The following KNDC1 variants were observed in gnomAD, a reference collection of about 807,000 sequenced individuals.
KNDC1 encodes the protein kinase non-catalytic C-lobe domain-containing protein 1.
In KNDC1, 106 loss-of-function variants were observed where a neutral mutation model predicts 172.8. The ratio of observed to expected loss-of-function variants is 0.61; its 90% CI spans 0.52 to 0.72. The LOEUF (loss-of-function observed/expected upper bound fraction) is 0.72. Ranked by LOEUF, KNDC1 falls within the 30% of genes least tolerant of loss-of-function variation. KNDC1 has a pLI of 0.00. For synonymous variants in KNDC1, 1,083 were observed against 1,062.2 expected (o/e 1.02, Z -0.38); for missense variants, 2,325 against 2,394.5 (o/e 0.97, Z 0.61).
intron 5 of KNDC1, among the ~76,000 whole-genome samples, chr10:133,184,652 A>T (rs573105441): frequency 9.2e-5 from 14 of 152,152 alleles, no homozygotes; most frequent in Non-Finnish European, 1.8e-4. Flanking sequence ...ACACGCAAAC[A>T]TGCTGGTCCT....
rs182290222 is a variant in KNDC1, at chr10:133,180,538, T to C, written c.361-2806T>C. On this transcript the variant is annotated intron_variant, in intron 3 of 29. Coordinates refer to ENST00000304613, the MANE Select transcript of KNDC1 (RefSeq NM_152643.8). ...ATTAGGTCTGGATATCTTAAAATTA[T>C]AAAAATATTAGCAGAAACAAAGGAA... Among the ~76,000 whole-genome samples the C allele has an allele frequency of 9.8e-4, 150 of 152,376 alleles. 1 individual carries two copies. Among genetic ancestry groups the C allele is most frequent in the South Asian group, 7.5e-3 (36 of 4,828 alleles).
chr10:133,211,728 T>TGGG lies in KNDC1; in HGVS notation c.4107_4109dup (p.Gly1370dup). The stretch of plus-strand genomic sequence containing the variant: ...AAGCACCTGCTGGGCCTCCTGGAGG[T>TGGG]GGGCATGGACCGGCGGGCCGAGGGC... On this transcript the variant is annotated inframe_insertion, in exon 23 of 30. Coordinates refer to ENST00000304613, the MANE Select transcript of KNDC1 (RefSeq NM_152643.8). 1 of 1,608,334 alleles carries TGGG rather than the reference T, an allele frequency of 6.2e-7. No individual in the cohort carries two copies. The highest frequency in any genetic ancestry group is 8.5e-7 in the Non-Finnish European group (1 of 1,177,642).
At position 133,186,673 on chromosome 10, in the gene KNDC1, A is replaced by C; in HGVS notation, c.1325A>C (p.Gln442Pro). The C allele has an allele frequency of 6.4e-7, 1 of 1,574,748 alleles. No individual in the cohort carries two copies. Among genetic ancestry groups the C allele is most frequent in the South Asian group, 1.1e-5 (1 of 86,968 alleles). The change falls in exon 6 of 30, where the codon CAG (glutamine) becomes CCG (proline). Residue 442 changes from glutamine to proline, a missense_variant and splice_region_variant. Gln to Pro is a moderately conservative substitution (Grantham distance 76, BLOSUM62 -1). Coordinates refer to ENST00000304613, the MANE Select transcript of KNDC1 (RefSeq NM_152643.8). The part of the protein sequence containing the change: ...ARQLESAAAE[Q>P]WVSLQDLLSQ... ...CAGCTGGAAAGTGCAGCCGCGGAGC[A>C]GGTGGGTGCCTGGGTCTTGTGTGTG...
intron 3 of KNDC1, among the ~76,000 whole-genome samples, chr10:133,174,595 AGTGGATGGCCAG>A (rs1328679324): frequency 1.3e-5 from 2 of 152,064 alleles, no homozygotes; most frequent in Non-Finnish European, 2.9e-5. Context: ...GGGATGGATG[AGTGGATGGCCAG>A]GTGGATGGAT....
chr10:133,164,894 T>A (rs1382254745), intron 1 of KNDC1, among the ~76,000 whole-genome samples: 2 of 152,172 alleles, frequency 1.3e-5, no homozygotes, highest in Non-Finnish European at 2.9e-5. Context: ...TCTCGTCCTG[T>A]CCTGGCCTCT....
At chr10:133,205,196 GA>G in intron 17 of KNDC1, among the ~76,000 whole-genome samples, 1 of 152,302 alleles carries the variant, frequency 6.6e-6, no homozygotes, top group South Asian at 2.1e-4. Flanking sequence ...TGTCCCGTAG[GA>G]CAGAAGGAGT....
At chr10:133,181,716 A>G (rs1853720793) in intron 3 of KNDC1, among the ~76,000 whole-genome samples, 1 of 152,166 alleles carries the variant, frequency 6.6e-6, no homozygotes, top group African/African-American at 2.4e-5. Flanking sequence ...GCCAGGATGC[A>G]GGCAGAGTGC....
Position 133,199,555 on chromosome 10 carries a change from G to A in KNDC1, c.2856G>A (p.Leu952=). 1 of 1,613,850 alleles carries A rather than the reference G, an allele frequency of 6.2e-7. No individual in the cohort carries two copies. Among genetic ancestry groups the A allele is most frequent in the East Asian group, 2.2e-5 (1 of 44,870 alleles). ...FCDLYWDEKL[L]QNLFKVVNGQ... is the part of the protein sequence containing the mutation. ...ACCTGTACTGGGATGAGAAGTTGCTGCAGAACCTCTTTAAGGTGGTCAACG... is the reference window on the plus strand; with the variant it reads ...ACCTGTACTGGGATGAGAAGTTGCTACAGAACCTCTTTAAGGTGGTCAACG... The change falls in exon 15 of 30, where the codon CTG becomes CTA. Residue 952 remains leucine (L), a synonymous_variant. Transcript: ENST00000304613.
chr10:133,210,556 G>T (rs549793255), intron 20 of KNDC1, 55 bp from the exon 21 acceptor site: 2 of 1,046,062 alleles, frequency 1.9e-6, no homozygotes, highest in Non-Finnish European at 3.0e-6. Flanking sequence ...AACACTAGCC[G>T]AGCCCTGGGG....
chr10:133,162,377 G>A (rs892594422), intron 1 of KNDC1, among the ~76,000 whole-genome samples: 9 of 152,282 alleles, frequency 5.9e-5, no homozygotes, highest in Admixed American at 3.9e-4. Context: ...CCAGAATGCC[G>A]GAAGGCCAAG....
Position 133,214,023 on chromosome 10 carries a change from C to G in KNDC1, c.4578C>G (p.Pro1526=). Residue 1526 remains proline, a synonymous_variant, in exon 26 of 30, where the codon CCC becomes CCG. Coordinates refer to ENST00000304613, the MANE Select transcript of KNDC1 (RefSeq NM_152643.8). ...CCAAAACCTGCAGCTTATTTCTGCC[C>G]AATTACGTTCAGGACAAGTATCTGT... ...LSAKTCSLFL[P]NYVQDKYLLQ... is the part of the protein sequence containing the mutation. 1.2e-6 allele frequency: 2 copies of G among 1,614,164 alleles called. No homozygotes were observed. The highest frequency in any genetic ancestry group is 1.7e-6 in the Non-Finnish European group (2 of 1,179,986).
chr10:133,185,355 AG>A (rs1853862895), intron 5 of KNDC1, among the ~76,000 whole-genome samples: 1 of 103,406 alleles, frequency 9.7e-6, no homozygotes, highest in Non-Finnish European at 2.2e-5. Context: ...AGTGTGGAGT[AG>A]GCAGTGTGTA....
chr10:133,198,682 G>A lies in KNDC1; in HGVS notation c.2174G>A (p.Ser725Asn), dbSNP rs1275495395. The change falls in exon 14 of 30, where the codon AGC becomes AAC. Residue 725 changes from serine to asparagine, a missense_variant. Physicochemically the swap from Ser to Asn is conservative, Grantham distance 46. Transcript: ENST00000304613. ...LSLEAHAGSP[S>N]LKTPDGPVPG... ...CTGGAGGCCCACGCTGGGTCCCCCAGCCTGAAGACGCCTGACGGGCCGGTG... is the reference window on the plus strand; with the variant it reads ...CTGGAGGCCCACGCTGGGTCCCCCAACCTGAAGACGCCTGACGGGCCGGTG... 1 of 1,583,900 alleles carries A rather than the reference G, an allele frequency of 6.3e-7. No individual in the cohort carries two copies. Among genetic ancestry groups the A allele is most frequent in the Non-Finnish European group, 8.6e-7 (1 of 1,166,026 alleles).
chr10:133,185,855 A>T (rs1429922218), intron 5 of KNDC1, 119 bp from the exon 6 acceptor site: 4,310 of 224,630 alleles, frequency 0.019, 129 homozygotes, highest in South Asian at 0.034. Context: ...AGGGGAGGGG[A>T]GAGGTGGGAG....
At chr10:133,203,307 C>T (rs975284990) in intron 17 of KNDC1, among the ~76,000 whole-genome samples, 1 of 152,096 alleles carries the variant, frequency 6.6e-6, no homozygotes, top group Non-Finnish European at 1.5e-5. Context: ...GGGGAGCACT[C>T]GGCCCCCAAA....
chr10:133,190,774 TG>T (rs1470819795), intron 9 of KNDC1, among the ~76,000 whole-genome samples: 1 of 152,196 alleles, frequency 6.6e-6, no homozygotes, highest in African/African-American at 2.4e-5. Context: ...CCAAGAAGGC[TG>T]GGAAAGCACT....
chr10:133,165,387 C>T (rs537531885), intron 1 of KNDC1, among the ~76,000 whole-genome samples: 6 of 152,304 alleles, frequency 3.9e-5, no homozygotes, highest in South Asian at 2.1e-4. Context: ...CCTGGGCTCC[C>T]TTCCCGGGTC....
intron 21 of KNDC1, among the ~76,000 whole-genome samples, chr10:133,211,160 G>A (rs1357504688): frequency 6.6e-6 from 1 of 152,018 alleles, no homozygotes; most frequent in African/African-American, 2.4e-5. Flanking sequence ...GAGGGGCTCT[G>A]CCTCTCTCTG....
At position 133,200,473 on chromosome 10, in the gene KNDC1, C is replaced by T. The variant is rs368990149; in HGVS notation, c.2989+13C>T. The T allele has an allele frequency of 5.2e-5, 79 of 1,517,838 alleles. No homozygotes were observed. Among genetic ancestry groups the T allele is most frequent in the Non-Finnish European group, 5.9e-5 (67 of 1,134,348 alleles). The allele number at this position is 1,517,838 out of a possible 1,614,324, so 94.0% of individuals were successfully genotyped here. ...CTGCACCGCCTGGGTAAGTGCTGGG[C>T]GGGCCCCGCGGCAGGAGCTCTGCTG... On this transcript the variant is annotated intron_variant, in intron 16 of 29. Coordinates refer to ENST00000304613, the MANE Select transcript of KNDC1 (RefSeq NM_152643.8).
Sources: allele counts gnomAD v4.1 joint callset (sites outside exome capture counted in the v4.1 genomes callset), GRCh38; gene constraint gnomAD v4.1.1; transcripts MANE v1.5; gene names NCBI Gene and HGNC (gene_info 2026-07-23, HGNC 2026-07-21).